DSCAML1: variants seen among roughly 807,000 people sequenced by gnomAD.
DSCAML1 encodes the protein cell adhesion molecule DSCAML1.
Under a neutral mutation model 200.5 loss-of-function variants are expected in DSCAML1, and 38 were observed. That is an observed-to-expected ratio of 0.19 (90% confidence interval 0.15 to 0.25). The LOEUF (loss-of-function observed/expected upper bound fraction) is 0.25. DSCAML1 is among the 10% of genes least tolerant of loss of function. The pLI is 1.00. For synonymous variants in DSCAML1, 1,215 were observed against 1,165.0 expected (o/e 1.04, Z -0.87); for missense variants, 2,223 against 2,858.8 (o/e 0.78, Z 5.07).
chr11:117,513,016 A>AT (rs985132713), intron 8 of DSCAML1, among the ~76,000 whole-genome samples: 40 of 152,082 alleles, frequency 2.6e-4, no homozygotes, highest in Non-Finnish European at 4.0e-4. Flanking sequence ...ACCCGTTATT[A>AT]TTTTTTTTAA....
chr11:117,752,572 G>A (rs370835682), intron 3 of DSCAML1, among the ~76,000 whole-genome samples: 25 of 152,312 alleles, frequency 1.6e-4, no homozygotes, highest in East Asian at 9.6e-4. Flanking sequence ...CTTTGAGGCA[G>A]CCCGAGAATG....
chr11:117,760,938 C>T (rs1374492214), intron 3 of DSCAML1, among the ~76,000 whole-genome samples: 2 of 152,202 alleles, frequency 1.3e-5, no homozygotes, highest in African/African-American at 4.8e-5. Flanking sequence ...GTAGAAACCC[C>T]ATGCCCTTTT....
At chr11:117,581,157 C>T (rs2137460608) in intron 3 of DSCAML1, among the ~76,000 whole-genome samples, 1 of 152,268 alleles carries the variant, frequency 6.6e-6, no homozygotes, top group African/African-American at 2.4e-5. Context: ...ATTGCCGTGC[C>T]TGTGCACTTT....
At chr11:117,622,627 A>G (rs117470649) in intron 3 of DSCAML1, among the ~76,000 whole-genome samples, 2,390 of 152,196 alleles carry the variant, frequency 0.016, 30 homozygotes, top group East Asian at 0.058. Context: ...TTTCTAGTTT[A>G]TGTCTGGTTT....
intron 3 of DSCAML1, among the ~76,000 whole-genome samples, chr11:117,557,936 C>T (rs993868628): frequency 1.3e-5 from 2 of 152,030 alleles, no homozygotes; most frequent in Non-Finnish European, 2.9e-5. Flanking sequence ...TTGCTTCTAG[C>T]ATCTAGTGGG....
intron 3 of DSCAML1, among the ~76,000 whole-genome samples, chr11:117,699,796 T>C (rs1341825081): frequency 1.3e-5 from 2 of 152,238 alleles, no homozygotes; most frequent in Non-Finnish European, 2.9e-5. Flanking sequence ...GCATCAGACA[T>C]CTGCTTCTTA....
At chr11:117,702,958 A>G (rs1841520414) in intron 3 of DSCAML1, among the ~76,000 whole-genome samples, 1 of 152,158 alleles carries the variant, frequency 6.6e-6, no homozygotes, top group South Asian at 2.1e-4. Context: ...ACCACCTCCT[A>G]ATTTATCTAC....
In DSCAML1 at chr11:117,506,733, A is replaced by C. The variant is rs547656237; in HGVS notation, c.1784-1001T>G. Among the ~76,000 whole-genome samples, 3 of 151,232 alleles carry C rather than the reference A, an allele frequency of 2.0e-5. No individual in the cohort carries two copies. The East Asian group carries it at 5.9e-4, about 29-fold the overall frequency. ...TGGCTAATTTTTAATTTTTTTTAAGAGACAGGTGTCATTATGTTGGCCAGG... is the reference window on the plus strand; with the variant it reads ...TGGCTAATTTTTAATTTTTTTTAAGCGACAGGTGTCATTATGTTGGCCAGG... On this transcript the variant is annotated intron_variant, in intron 8 of 32. Coordinates refer to ENST00000651296, the MANE Select transcript of DSCAML1 (RefSeq NM_020693.4).
intron 3 of DSCAML1, among the ~76,000 whole-genome samples, chr11:117,754,943 G>T (rs1205790114): frequency 6.6e-6 from 1 of 152,162 alleles, no homozygotes; most frequent in Non-Finnish European, 1.5e-5. Context: ...ACTTGGAGCA[G>T]GTAAATCCCT....
intron 3 of DSCAML1, among the ~76,000 whole-genome samples, chr11:117,768,902 C>T (rs889011066): frequency 2.7e-5 from 4 of 150,700 alleles, no homozygotes; most frequent in Admixed American, 2.0e-4. Flanking sequence ...ATGGTGAAAC[C>T]CCGTCTCTAC....
chr11:117,705,055 G>A (rs1428500896), intron 3 of DSCAML1, among the ~76,000 whole-genome samples: 1 of 152,222 alleles, frequency 6.6e-6, no homozygotes, highest in Non-Finnish European at 1.5e-5. Context: ...GACGTCTGCG[G>A]GCTGGAGAGG....
intron 3 of DSCAML1, among the ~76,000 whole-genome samples, chr11:117,693,866 G>A (rs12098922): frequency 0.063 from 9,538 of 151,932 alleles, 980 homozygotes; most frequent in African/African-American, 0.21. Context: ...TGTTAAAAGC[G>A]TCATTCAAAT....
intron 3 of DSCAML1, among the ~76,000 whole-genome samples, chr11:117,743,339 A>G (rs1645355379): frequency 1.3e-5 from 2 of 152,172 alleles, no homozygotes. Context: ...GGGTTACAGT[A>G]TCCACATGGC....
intron 3 of DSCAML1, among the ~76,000 whole-genome samples, chr11:117,691,983 G>C (rs956063977): frequency 2.0e-5 from 3 of 152,070 alleles, no homozygotes; most frequent in African/African-American, 7.2e-5. Flanking sequence ...GTGAGCATGA[G>C]AAGTACCTTA....
chr11:117,745,853 A>G (rs1217281730), intron 3 of DSCAML1, among the ~76,000 whole-genome samples: 1 of 152,144 alleles, frequency 6.6e-6, no homozygotes, highest in African/African-American at 2.4e-5. Context: ...AGATAATAAT[A>G]GCATCTTCCT....
intron 5 of DSCAML1, among the ~76,000 whole-genome samples, chr11:117,522,488 G>C (rs1279486026): frequency 6.6e-6 from 1 of 152,218 alleles, no homozygotes; most frequent in Non-Finnish European, 1.5e-5. Context: ...CTATGGGCTA[G>C]GGGCTCTGTA....
chr11:117,572,881 T>C (rs546227216), intron 3 of DSCAML1, among the ~76,000 whole-genome samples: 43 of 152,274 alleles, frequency 2.8e-4, no homozygotes, highest in African/African-American at 8.9e-4. Context: ...TCTCTCAGAA[T>C]GTGGGGTCAA....
chr11:117,672,644 G>A (rs2053134935), intron 3 of DSCAML1, among the ~76,000 whole-genome samples: 3 of 152,186 alleles, frequency 2.0e-5, no homozygotes, highest in African/African-American at 7.2e-5. Flanking sequence ...CATGGCATAC[G>A]TGTTCCGCTG....
intron 29 of DSCAML1, 65 bp downstream of exon 29, chr11:117,433,073 C>T: frequency 1.4e-6 from 2 of 1,446,556 alleles, no homozygotes; most frequent in Non-Finnish European, 1.9e-6. Context: ...TGTTTGACTT[C>T]CATGGGTTGT....
Sources: allele counts gnomAD v4.1 joint callset (sites outside exome capture counted in the v4.1 genomes callset), GRCh38; gene constraint gnomAD v4.1.1; transcripts MANE v1.5; gene names NCBI Gene and HGNC (gene_info 2026-07-23, HGNC 2026-07-21).